Variants in ASAP1 observed in about 807,000 individuals in gnomAD.
ASAP1 encodes the protein arf-GAP with SH3 domain, ANK repeat and PH domain-containing protein 1.
A neutral mutation model predicts 145.2 loss-of-function variants in ASAP1; 43 were observed. That is an observed-to-expected ratio of 0.30 (90% CI 0.23 to 0.38). The LOEUF is 0.38. Ranked by LOEUF, ASAP1 falls within the 10% of genes least tolerant of loss-of-function variation. The pLI, the probability that ASAP1 is intolerant of heterozygous loss-of-function variation, is 1.00. For synonymous variants in ASAP1, 546 were observed against 515.5 expected, an observed-to-expected ratio of 1.06 and a Z score of -0.80; for missense variants, 1,018 against 1,355.3, an observed-to-expected ratio of 0.75 and a Z score of 3.91.
intron 9 of ASAP1, chr8:130,179,056 A>G (rs1225727107): frequency 6.8e-6 from 3 of 439,424 alleles, no homozygotes; most frequent in Middle Eastern, 5.6e-4. Flanking sequence ...AAGGAAGACA[A>G]TATTTTTAAG....
intron 5 of ASAP1, chr8:130,195,175 T>C (rs977958507): frequency 3.3e-5 from 5 of 152,172 alleles, no homozygotes; most frequent in African/African-American, 9.7e-5. Flanking sequence ...TTCAAGTCTA[T>C]AAGAAGTCGA....
intron 5 of ASAP1, among the ~76,000 whole-genome samples, chr8:130,206,333 G>A (rs188366625): frequency 6.6e-6 from 1 of 152,024 alleles, no homozygotes; most frequent in Admixed American, 6.5e-5. Context: ...GCACATCCAT[G>A]CTCTCCATAC....
chr8:130,423,865 G>A (rs1476165264), intron 1 of ASAP1, among the ~76,000 whole-genome samples: 6 of 152,004 alleles, frequency 3.9e-5, no homozygotes, highest in African/African-American at 1.5e-4. Context: ...AAGTAATTGT[G>A]CAGAAAGTAC....
chr8:130,141,922 T>G (rs2033511003), intron 13 of ASAP1, among the ~76,000 whole-genome samples: 1 of 151,956 alleles, frequency 6.6e-6, no homozygotes, highest in South Asian at 2.1e-4. Flanking sequence ...CTTGGTTTGT[T>G]GCCCAGGCTG....
At chr8:130,165,220 G>A (rs902061808) in intron 11 of ASAP1, among the ~76,000 whole-genome samples, 4 of 152,122 alleles carry the variant, frequency 2.6e-5, no homozygotes, top group Non-Finnish European at 4.4e-5. Context: ...AAAACAAAAA[G>A]GGGTTGTAAC....
intron 24 of ASAP1, among the ~76,000 whole-genome samples, chr8:130,093,340 G>A (rs1295261871): frequency 2.6e-5 from 4 of 152,072 alleles, no homozygotes; most frequent in Admixed American, 1.3e-4. Flanking sequence ...GTTTAACTGT[G>A]TTCATGGCAA....
At chr8:130,057,052 G>A (rs529200358) in intron 29 of ASAP1, among the ~76,000 whole-genome samples, 1 of 152,328 alleles carries the variant, frequency 6.6e-6, no homozygotes, top group Non-Finnish European at 1.5e-5. Context: ...TGTAAAAGGA[G>A]TTTTCATAGA....
intron 13 of ASAP1, among the ~76,000 whole-genome samples, chr8:130,140,101 T>C (rs1339755841): frequency 3.3e-5 from 5 of 150,768 alleles, no homozygotes; most frequent in Non-Finnish European, 5.9e-5. Context: ...GGGGTGATCA[T>C]AGATCACTGC....
At chr8:130,099,383 T>A (rs929371026) in intron 24 of ASAP1, among the ~76,000 whole-genome samples, 1 of 152,032 alleles carries the variant, frequency 6.6e-6, no homozygotes, top group Non-Finnish European at 1.5e-5. Flanking sequence ...GGTTTCACCA[T>A]GTTAGCCAGG....
At chr8:130,240,711 G>C (rs1198418568) in intron 3 of ASAP1, among the ~76,000 whole-genome samples, 1 of 152,178 alleles carries the variant, frequency 6.6e-6, no homozygotes, top group Non-Finnish European at 1.5e-5. Flanking sequence ...AGAATGTAAA[G>C]TTGTGCCATA....
chr8:130,122,340 G>A (rs1013529620), intron 18 of ASAP1, among the ~76,000 whole-genome samples: 2 of 152,134 alleles, frequency 1.3e-5, no homozygotes, highest in Admixed American at 6.5e-5. Flanking sequence ...AAGCTGCCTC[G>A]TAAGGATTTG....
At chr8:130,388,417 G>T (rs1196251807) in intron 2 of ASAP1, among the ~76,000 whole-genome samples, 1 of 152,152 alleles carries the variant, frequency 6.6e-6, no homozygotes, top group African/African-American at 2.4e-5. Flanking sequence ...AATCCATGTT[G>T]GACATATTAA....
intron 3 of ASAP1, among the ~76,000 whole-genome samples, chr8:130,330,609 T>C (rs1227125151): frequency 6.6e-6 from 1 of 152,266 alleles, no homozygotes; most frequent in Non-Finnish European, 1.5e-5. Context: ...ACTTAACTCA[T>C]GTGAGGCCTT....
chr8:130,257,612 T>G (rs1565143756), intron 3 of ASAP1, among the ~76,000 whole-genome samples: 1 of 152,188 alleles, frequency 6.6e-6, no homozygotes, highest in Non-Finnish European at 1.5e-5. Context: ...CTAGCCCAAT[T>G]AATGCTGTTG....
intron 3 of ASAP1, among the ~76,000 whole-genome samples, chr8:130,307,570 A>G (rs1199920073): frequency 6.6e-6 from 1 of 152,072 alleles, no homozygotes; most frequent in Non-Finnish European, 1.5e-5. Flanking sequence ...TTTCTCCCCA[A>G]CACCCAACAG....
At chr8:130,256,787 A>ATATATATATT (rs1819595530) in intron 3 of ASAP1, among the ~76,000 whole-genome samples, 1 of 133,346 alleles carries the variant, frequency 7.5e-6, no homozygotes, top group Non-Finnish European at 1.6e-5. Flanking sequence ...ATATATCCTT[A>ATATATATATT]TATATATATA....
chr8:130,389,610 G>A (rs144631201), intron 2 of ASAP1, among the ~76,000 whole-genome samples: 115 of 152,268 alleles, frequency 7.6e-4, no homozygotes, highest in African/African-American at 2.5e-3. Context: ...ATCCCCTAAC[G>A]TGTATAAAGT....
At chr8:130,418,569 A>AATAC (rs1351110822) in intron 1 of ASAP1, among the ~76,000 whole-genome samples, 5 of 151,698 alleles carry the variant, frequency 3.3e-5, no homozygotes, top group Non-Finnish European at 7.4e-5. Context: ...TAAATAAATA[A>AATAC]ATAAAATAAA....
chr8:130,256,739 TTATATATATATATATATATA>T (rs58245112), intron 3 of ASAP1, among the ~76,000 whole-genome samples: 1,172 of 95,908 alleles, frequency 0.012, 59 homozygotes, highest in African/African-American at 0.038. Context: ...ATACACATTC[TTATATATATATATATATATA>T]TATATATATA....
Sources: gnomAD v4.1 joint callset for allele counts (sites outside exome capture counted in the v4.1 genomes callset) on GRCh38, gnomAD v4.1.1 for gene constraint, MANE v1.5 for transcripts, NCBI Gene and HGNC (gene_info 2026-07-23, HGNC 2026-07-21) for gene names.